The following DDX49 variants were observed in gnomAD, a reference collection of about 807,000 sequenced individuals.
DDX49 encodes the protein probable ATP-dependent RNA helicase DDX49.
DDX49 carries 50 observed loss-of-function variants against 56.3 expected under a neutral mutation model. That is an observed-to-expected ratio of 0.89 (90% confidence interval 0.71 to 1.12). The LOEUF is 1.12. Among genes scored for constraint, DDX49 ranks in the 50% most tolerant of loss-of-function variants. The pLI, the probability that DDX49 is intolerant of heterozygous loss-of-function variation, is 0.00. For synonymous variants in DDX49, 269 were observed against 270.6 expected (o/e 0.99, Z 0.06); for missense variants, 614 against 650.5 (o/e 0.94, Z 0.61).
Position 18,926,231 on chromosome 19 carries a change from G to C in DDX49, c.1028-72G>C, listed in dbSNP as rs1460886288. The C allele has an allele frequency of 2.7e-6, 4 of 1,468,754 alleles. No homozygotes were observed. The East Asian group carries it at 9.9e-5, about 36-fold the overall frequency. 91.0% of individuals were successfully genotyped at this position (1,468,754 alleles called of 1,614,324 possible). A position where few individuals can be genotyped will look rare whatever the true frequency, so the allele number is the denominator to read the frequency against. On this transcript the variant is annotated intron_variant, in intron 9 of 12. Coordinates refer to ENST00000247003, the MANE Select transcript of DDX49 (RefSeq NM_019070.5). ...TCCAGGACCCCTGAGCTGTGTAGCT[G>C]TCAGGATCTACCTTTATTCGCCCCA...
intron 10 of DDX49, 82 bp downstream of exon 10, chr19:18,926,459 C>G: frequency 8.1e-7 from 1 of 1,234,458 alleles, no homozygotes; most frequent in East Asian, 2.6e-5. Flanking sequence ...CCCATTTTCC[C>G]GTCAGACACC....
intron 9 of DDX49, 98 bp from the exon 10 acceptor site, chr19:18,926,205 C>G: frequency 7.7e-7 from 1 of 1,298,222 alleles, no homozygotes; most frequent in Non-Finnish European, 1.1e-6. Context: ...TGTTCAGCAT[C>G]TCCAGGACCC....
At position 18,928,109 on chromosome 19, in the gene DDX49, C is replaced by A. The variant is rs1469585691; in HGVS notation, c.1264-19C>A. On this transcript the variant is annotated intron_variant, in intron 12 of 12. Coordinates refer to ENST00000247003, the MANE Select transcript of DDX49 (RefSeq NM_019070.5). The stretch of plus-strand genomic sequence containing the variant: ...CGGGGGCCGCCAGCTCAGCCATCCC[C>A]TGGTCCTCCCTGTGCCAGGACCCTG... 1 of 1,611,638 alleles carries A rather than the reference C, an allele frequency of 6.2e-7. No individual in the cohort carries two copies. The highest frequency in any genetic ancestry group is 8.5e-7 in the Non-Finnish European group (1 of 1,179,044).
chr19:18,920,554 T>A (rs1318005057), intron 1 of DDX49, 26 bp from the exon 2 acceptor site: 1 of 1,579,442 alleles, frequency 6.3e-7, no homozygotes, highest in Non-Finnish European at 8.7e-7. Flanking sequence ...ATGGAGGGTG[T>A]TGATGCTGCT....
rs560061674 is a variant in DDX49, at chr19:18,927,042, C to T, written c.1102+665C>T. On this transcript the variant is annotated intron_variant, in intron 10 of 12. Transcript: ENST00000247003. ...GAGCCAAGGTCGCGCCATTACGCTC[C>T]AGCCTGGGTGACAGTGAGACTCTGT... is the stretch of plus-strand genomic sequence containing the variant. 1.6e-4 allele frequency among the ~76,000 whole-genome samples: 23 copies of T among 142,714 alleles called. No homozygotes were observed. The East Asian group carries it at 4.6e-3, about 28-fold the overall frequency. The allele number at this position is 142,714 out of a possible 152,430, so 93.6% of individuals were successfully genotyped here.
At chr19:18,924,376 ATCCT>A (rs2056943948) in intron 7 of DDX49, 68 bp downstream of exon 7, 1 of 1,505,552 alleles carries the variant, frequency 6.6e-7, no homozygotes, top group Non-Finnish European at 9.2e-7. Context: ...ATTGGCCCCG[ATCCT>A]TCCTTCTGCC....
chr19:18,926,282 A>T (rs1241233884), intron 9 of DDX49, 21 bp from the exon 10 acceptor site: 1 of 1,565,132 alleles, frequency 6.4e-7, no homozygotes, highest in Non-Finnish European at 8.7e-7. Flanking sequence ...CACATAGCAG[A>T]TAACCGGCAC....
chr19:18,921,573 G>A, intron 2 of DDX49, 90 bp from the exon 3 acceptor site: 1 of 1,253,664 alleles, frequency 8.0e-7, no homozygotes, highest in Non-Finnish European at 1.2e-6. Flanking sequence ...GAGCCTGGGG[G>A]CTCAGGGAGG....
chr19:18,922,007 G>A, intron 4 of DDX49, 43 bp downstream of exon 4: 1 of 1,575,188 alleles, frequency 6.3e-7, no homozygotes. Flanking sequence ...GCTGGGCTCG[G>A]AGCCTCCAGG....
rs892775396 is a variant in DDX49, at chr19:18,921,751, A to G, written c.325+3A>G. On this transcript the variant is annotated splice_donor_region_variant and intron_variant, in intron 3 of 12. Transcript: ENST00000247003. ...CTGCATCATCGTCGGTGGCATGGGT[A>G]CGGGAGCTGGGAGGCGGGGGAAGCC... The G allele has an allele frequency of 1.2e-6, 2 of 1,614,124 alleles. No homozygotes were observed. Among genetic ancestry groups the G allele is most frequent in the Non-Finnish European group, 1.7e-6 (2 of 1,180,008 alleles).
At chr19:18,919,892 T>TA in intron 1 of DDX49, 36 bp downstream of exon 1, 2 of 1,455,746 alleles carry the variant, frequency 1.4e-6, no homozygotes, top group South Asian at 2.4e-5. Context: ...AAGAGGCCTC[T>TA]CCGCTCCTCT....
rs913466819 is a variant in DDX49 at position 18,928,405 on chromosome 19, G to A, written c.*89G>A. 95 of 1,335,582 alleles carry A rather than the reference G, an allele frequency of 7.1e-5. No homozygotes were observed. The highest frequency in any genetic ancestry group is 9.3e-5 in the Non-Finnish European group (94 of 1,007,648). 82.7% of individuals were successfully genotyped at this position (1,335,582 alleles called of 1,614,324 possible). A position where few individuals can be genotyped will look rare whatever the true frequency, so the allele number is the denominator to read the frequency against. On this transcript the variant is annotated 3_prime_UTR_variant, in exon 13 of 13. Transcript: ENST00000247003. The stretch of plus-strand genomic sequence containing the variant: ...CCTTGGGGGCAGCAGCCCTTCCCGG[G>A]GGCCTACCCAGTGCCCCACAGCAGA...
rs1230484304 is a variant in DDX49, at chr19:18,928,126, A to C, written c.1264-2A>C. 4 of 1,609,582 alleles carry C rather than the reference A, an allele frequency of 2.5e-6. No homozygotes were observed. In the African/African-American group the frequency reaches 5.4e-5, roughly 22 times the overall value. On this transcript the variant is annotated splice_acceptor_variant, in intron 12 of 12. Coordinates refer to ENST00000247003, the MANE Select transcript of DDX49 (RefSeq NM_019070.5). LOFTEE classifies it high-confidence loss of function. ...GCCATCCCCTGGTCCTCCCTGTGCC[A>C]GGACCCTGACCTGGAGGCCAAGCGC...
Position 18,921,764 on chromosome 19 carries a change from G to A in DDX49, c.325+16G>A, listed in dbSNP as rs1386396778. ...GGTGGCATGGGTACGGGAGCTGGGA[G>A]GCGGGGGAAGCCCCAGCATGGGACC... On this transcript the variant is annotated intron_variant, in intron 3 of 12. Coordinates refer to ENST00000247003, the MANE Select transcript of DDX49 (RefSeq NM_019070.5). 3.7e-6 allele frequency: 6 copies of A among 1,613,996 alleles called. No homozygotes were observed. In the South Asian group the frequency reaches 4.4e-5, roughly 12 times the overall value.
rs144883180 is a variant in DDX49 at position 18,922,605 on chromosome 19, G to T, written c.637G>T (p.Val213Leu). 4 of 1,611,554 alleles carry T rather than the reference G, an allele frequency of 2.5e-6. No homozygotes were observed. In the African/African-American group the frequency reaches 5.3e-5, roughly 22 times the overall value. The change falls in exon 6 of 13, where the codon GTG becomes TTG. Residue 213 changes from valine to leucine, a missense_variant and splice_region_variant. By Grantham distance (32) the Val-to-Leu change is conservative. Coordinates refer to ENST00000247003, the MANE Select transcript of DDX49 (RefSeq NM_019070.5). ...QPFFWEAQAP[V>L]STVEQLDQRY... The stretch of plus-strand genomic sequence containing the variant: ...GGCGGTCTATCTGTCCATCCCCAGG[G>T]TGAGCACCGTGGAGCAGCTGGACCA...
chr19:18,923,732 G>C (rs1307639559), intron 6 of DDX49, among the ~76,000 whole-genome samples: 1 of 151,404 alleles, frequency 6.6e-6, no homozygotes, highest in African/African-American at 2.4e-5. Context: ...GCCAACTCTT[G>C]TCAGTTCCAG....
Position 18,922,732 on chromosome 19 carries a change from C to G in DDX49, c.764C>G (p.Thr255Ser). The G allele has an allele frequency of 2.5e-6, 4 of 1,612,944 alleles. No homozygotes were observed. The highest frequency in any genetic ancestry group is 3.4e-6 in the Non-Finnish European group (4 of 1,179,456). Reference protein sequence around the residue: ...EHEDWSIIIFTNTCKTCQILC... With the variant: ...EHEDWSIIIFSNTCKTCQILC... ...GAGGACTGGTCCATTATCATCTTCA[C>G]CAACACGTGCAAGTGAGCGGGGCCC... The change falls in exon 6 of 13, where the codon ACC becomes AGC. Residue 255 changes from threonine to serine, a missense_variant. Physicochemically the swap from Thr to Ser is moderately conservative, Grantham distance 58 (BLOSUM62 1). Coordinates refer to ENST00000247003, the MANE Select transcript of DDX49 (RefSeq NM_019070.5).
Position 18,922,313 on chromosome 19 carries a change from A to G in DDX49, c.448-13A>G, listed in dbSNP as rs1251205429. On this transcript the variant is annotated splice_polypyrimidine_tract_variant and intron_variant, in intron 4 of 12. Transcript: ENST00000247003. ...GGACGGCACCCTCACCCCTGCCCCCATTGGCACGGCAGGTGATGGATGAGG... is the reference window on the plus strand; with the variant it reads ...GGACGGCACCCTCACCCCTGCCCCCGTTGGCACGGCAGGTGATGGATGAGG... The G allele has an allele frequency of 1.2e-6, 2 of 1,608,106 alleles. No homozygotes were observed. Among genetic ancestry groups the G allele is most frequent in the African/African-American group, 2.7e-5 (2 of 75,026 alleles).
chr19:18,926,384 GGGGTTGGGGTGGGTGGTAGAGAAGGA>G lies in DDX49; in HGVS notation c.1102+11_1102+36del. The G allele has an allele frequency of 1.3e-6, 2 of 1,553,294 alleles. No homozygotes were observed. The highest frequency in any genetic ancestry group is 1.7e-6 in the Non-Finnish European group (2 of 1,147,440). On this transcript the variant is annotated splice_region_variant and intron_variant, in intron 10 of 12. Coordinates refer to ENST00000247003, the MANE Select transcript of DDX49 (RefSeq NM_019070.5). Reference sequence around the variant, plus strand: ...GCCATCGAGGAGCAGATCAGTGAGTGGGGTTGGGGTGGGTGGTAGAGAAGGAGGGGTGGGGTGGGCAGAGGTGGGCA... The same window carrying G: ...GCCATCGAGGAGCAGATCAGTGAGTGGGGGTGGGGTGGGCAGAGGTGGGCA...
Sources: allele counts gnomAD v4.1 joint callset (sites outside exome capture counted in the v4.1 genomes callset), GRCh38; gene constraint gnomAD v4.1.1; transcripts MANE v1.5; gene names NCBI Gene and HGNC (gene_info 2026-07-23, HGNC 2026-07-21).